LRRC36: variants seen among roughly 807,000 people sequenced by gnomAD.
LRRC36 encodes leucine rich repeat containing 36, also known as leucine-rich repeat-containing protein 36.
A neutral mutation model predicts 81.1 loss-of-function variants in LRRC36; 62 were observed. That is an observed-to-expected ratio of 0.76 (90% confidence interval 0.62 to 0.94). The LOEUF (loss-of-function observed/expected upper bound fraction) is 0.94. Ranked by LOEUF, LRRC36 falls within the 40% of genes least tolerant of loss-of-function variation. The pLI, the probability that LRRC36 is intolerant of heterozygous loss-of-function variation, is 0.00. For missense variants in LRRC36, 761 were observed against 881.7 expected, an observed-to-expected ratio of 0.86 and a Z score of 1.73; for synonymous variants, 334 against 348.6, an observed-to-expected ratio of 0.96 and a Z score of 0.47.
chr16:67,332,320 G>A (rs1249918711), intron 1 of LRRC36, among the ~76,000 whole-genome samples: 2 of 152,200 alleles, frequency 1.3e-5, no homozygotes, highest in Non-Finnish European at 2.9e-5. Context: ...TTGGGAGGCT[G>A]AGGAGGGCGA....
At chr16:67,365,237 A>G (rs2039330065) in intron 6 of LRRC36, 67 bp from the exon 7 acceptor site, 1 of 955,612 alleles carries the variant, frequency 1.0e-6, no homozygotes, top group South Asian at 1.4e-5. Context: ...CTGAACCCCT[A>G]GTCTAATAAG....
Position 67,371,778 on chromosome 16 carries a change from A to G in LRRC36, c.1494+536A>G, listed in dbSNP as rs574086405. 1.4e-3 allele frequency: 242 copies of G among 169,444 alleles called. 1 individual carries two copies. Among genetic ancestry groups the G allele is most frequent in the Non-Finnish European group, 2.4e-3 (185 of 76,710 alleles). 10.5% of individuals were successfully genotyped at this position (169,444 alleles called of 1,614,324 possible). A position where few individuals can be genotyped will look rare whatever the true frequency, so the allele number is the denominator to read the frequency against. On this transcript the variant is annotated intron_variant, in intron 9 of 13. Transcript: ENST00000329956. ...GCCAGCTACTCTACTCGGGAGGCTG[A>G]GGCAGGAGACTCACTTGAACCCAGG...
chr16:67,347,444 A>AT, intron 3 of LRRC36, 51 bp from the exon 4 acceptor site: 1 of 1,607,980 alleles, frequency 6.2e-7, no homozygotes, highest in Non-Finnish European at 8.5e-7. Context: ...ACTACTAGTT[A>AT]TGTCTATGCC....
intron 2 of LRRC36, among the ~76,000 whole-genome samples, chr16:67,343,492 C>T (rs932903829): frequency 2.0e-5 from 3 of 151,868 alleles, no homozygotes; most frequent in South Asian, 2.1e-4. Context: ...GTCAGGAGTT[C>T]GAGACCAGCT....
intron 1 of LRRC36, among the ~76,000 whole-genome samples, chr16:67,340,950 A>C (rs2038018804): frequency 6.9e-6 from 1 of 145,628 alleles, no homozygotes; most frequent in Non-Finnish European, 1.5e-5. Context: ...TAGAATATAG[A>C]ATATGTACTA....
chr16:67,329,926 A>C (rs969062388), intron 1 of LRRC36, among the ~76,000 whole-genome samples: 1 of 152,136 alleles, frequency 6.6e-6, no homozygotes, highest in African/African-American at 2.4e-5. Flanking sequence ...TAAAAAATAA[A>C]ATAAAATAAG....
chr16:67,367,795 G>A (rs2039467462), intron 8 of LRRC36, among the ~76,000 whole-genome samples: 1 of 152,202 alleles, frequency 6.6e-6, no homozygotes, highest in Non-Finnish European at 1.5e-5. Context: ...GCTCATGCCT[G>A]TAATCCCAGC....
chr16:67,341,589 G>A (rs551454463), intron 1 of LRRC36, among the ~76,000 whole-genome samples: 4 of 151,540 alleles, frequency 2.6e-5, no homozygotes, highest in Non-Finnish European at 4.4e-5. Context: ...TCTTAAAACC[G>A]CTCTGAAATT....
At position 67,328,012 on chromosome 16, in the gene LRRC36, T is replaced by C. The variant is rs77295365; in HGVS notation, c.70+1080T>C. 2.6e-5 allele frequency among the ~76,000 whole-genome samples: 4 copies of C among 152,202 alleles called. No homozygotes were observed. The East Asian group carries it at 7.7e-4, about 29-fold the overall frequency. On this transcript the variant is annotated intron_variant, in intron 1 of 13. Coordinates refer to ENST00000329956, the MANE Select transcript of LRRC36 (RefSeq NM_018296.6). ...GAAGAGACAGTGAAAGTAAGAACTT[T>C]TGCTGAAAATTTTAGCTGTAAAAGA...
At position 67,375,228 on chromosome 16, in the gene LRRC36, C is replaced by CT. The variant is rs768499336; in HGVS notation, c.1495-9dup. On this transcript the variant is annotated intron_variant, in intron 9 of 13. Coordinates refer to ENST00000329956, the MANE Select transcript of LRRC36 (RefSeq NM_018296.6). ...TGGGTTTTTTGTTTGTTTGTTTTTG[C>CT]TTTTTTTTTTCTCTTGAGCCTCTCT... 3,542 of 1,393,206 alleles carry CT rather than the reference C, an allele frequency of 2.5e-3. No homozygotes were observed. Among genetic ancestry groups the CT allele is most frequent in the East Asian group, 3.2e-3 (126 of 38,770 alleles). The allele number at this position is 1,393,206 out of a possible 1,614,324, so 86.3% of individuals were successfully genotyped here. A position where few individuals can be genotyped will look rare whatever the true frequency, so the allele number is the denominator to read the frequency against.
intron 1 of LRRC36, among the ~76,000 whole-genome samples, chr16:67,341,128 C>G (rs2038051939): frequency 1.8e-5 from 2 of 114,048 alleles, no homozygotes; most frequent in Non-Finnish European, 3.6e-5. Flanking sequence ...AATATGTACT[C>G]TACATATTCT....
chr16:67,359,617 G>A (rs117084684), intron 5 of LRRC36, among the ~76,000 whole-genome samples: 1,598 of 152,276 alleles, frequency 0.01, 23 homozygotes, highest in Non-Finnish European at 0.017. Flanking sequence ...AGGATGAATT[G>A]TATGACACAT....
chr16:67,328,172 G>T (rs1206045470), intron 1 of LRRC36, among the ~76,000 whole-genome samples: 2 of 152,186 alleles, frequency 1.3e-5, no homozygotes, highest in East Asian at 1.9e-4. Context: ...TACTCATTTT[G>T]ACTGTTAAAA....
In LRRC36 at chr16:67,378,235, C is replaced by CTTTTTTTTTTT. The variant is rs1015471341; in HGVS notation, c.1807-342_1807-332dup. 4.1e-3 allele frequency among the ~76,000 whole-genome samples: 414 copies of CTTTTTTTTTTT among 100,474 alleles called. 48 individuals carry two copies. The highest frequency in any genetic ancestry group is 0.014 in the African/African-American group (289 of 21,078). The allele number at this position is 100,474 out of a possible 152,430, so 65.9% of individuals were successfully genotyped here. ...TAAACACACCTTAGCATGTCAGATT[C>CTTTTTTTTTTT]TTTTTTTTTTTTTTTTTTTTTTGAG... is the stretch of plus-strand genomic sequence containing the variant. On this transcript the variant is annotated intron_variant, in intron 11 of 13. Transcript: ENST00000329956.
Position 67,371,217 on chromosome 16 carries a change from G to A in LRRC36, c.1469G>A (p.Gly490Asp). 6.2e-7 allele frequency: 1 copy of A among 1,614,184 alleles called. No homozygotes were observed. Among genetic ancestry groups the A allele is most frequent in the Middle Eastern group, 1.6e-4 (1 of 6,062 alleles). The change falls in exon 9 of 14, where the codon GGT (glycine) becomes GAT (aspartate). Residue 490 changes from glycine (G) to aspartate (D), a missense_variant. By Grantham distance (94) the Gly-to-Asp change is moderately conservative. Around this residue, in one of 3 missense-constraint regions of LRRC36, gnomAD observed 359 missense variants for 388.4 expected, o/e 0.92. Transcript: ENST00000329956. ...NILANLNLKH[G>D]FQDATGSEPL... Reference sequence around the variant, plus strand: ...CTTGCCAACCTGAATCTAAAGCATGGTTTCCAAGATGCTACAGGCAGCGAG... The same window carrying A: ...CTTGCCAACCTGAATCTAAAGCATGATTTCCAAGATGCTACAGGCAGCGAG...
intron 5 of LRRC36, among the ~76,000 whole-genome samples, chr16:67,351,422 A>G (rs1399884004): frequency 2.6e-5 from 4 of 152,106 alleles, no homozygotes; most frequent in African/African-American, 9.7e-5. Context: ...AAAATGAGAC[A>G]CGGGCCGGGC....
chr16:67,363,752 C>T, intron 6 of LRRC36, 38 bp downstream of exon 6: 1 of 1,603,356 alleles, frequency 6.2e-7, no homozygotes. Context: ...GTTGACTAGT[C>T]AATGATTAAT....
At chr16:67,335,467 A>G (rs2037712905) in intron 1 of LRRC36, among the ~76,000 whole-genome samples, 1 of 152,190 alleles carries the variant, frequency 6.6e-6, no homozygotes, top group Non-Finnish European at 1.5e-5. Context: ...CCCAGATTTC[A>G]TATTGTTCAA....
chr16:67,349,919 C>A (rs950570234), intron 4 of LRRC36, among the ~76,000 whole-genome samples: 1 of 152,126 alleles, frequency 6.6e-6, no homozygotes, highest in Non-Finnish European at 1.5e-5. Flanking sequence ...CGCCACCACA[C>A]GTGGCTGATT....
Sources: allele counts gnomAD v4.1 joint callset (sites outside exome capture counted in the v4.1 genomes callset), GRCh38; gene constraint gnomAD v4.1.1; regional missense constraint gnomAD v4.1.1; transcripts MANE v1.5; gene names NCBI Gene and HGNC (gene_info 2026-07-23, HGNC 2026-07-21).